SH3GL2: variants seen among roughly 807,000 people sequenced by gnomAD.
SH3GL2 encodes the protein endophilin-A1.
In SH3GL2, 24 loss-of-function variants were observed where a neutral mutation model predicts 46.0. That is an observed-to-expected ratio of 0.52 (90% confidence interval 0.38 to 0.73). The LOEUF is 0.73. Among genes scored for constraint, SH3GL2 ranks in the 30% least tolerant of loss-of-function variants. SH3GL2 has a pLI of 0.00. For missense variants in SH3GL2, 413 were observed against 424.2 expected (o/e 0.97, Z 0.23); for synonymous variants, 196 against 147.1 (o/e 1.33, Z -2.40).
intron 1 of SH3GL2, among the ~76,000 whole-genome samples, chr9:17,663,381 A>C (rs1317383013): frequency 1.3e-5 from 2 of 152,052 alleles, no homozygotes. Flanking sequence ...CTTTCCTCCT[A>C]TTAAAATTTT....
intron 1 of SH3GL2, among the ~76,000 whole-genome samples, chr9:17,614,906 TC>T (rs1818950240): frequency 1.3e-5 from 2 of 152,144 alleles, no homozygotes; most frequent in South Asian, 2.1e-4. Flanking sequence ...GACTCAAGTT[TC>T]CCCACACCCA....
intron 1 of SH3GL2, among the ~76,000 whole-genome samples, chr9:17,602,121 A>G (rs1040009314): frequency 3.3e-5 from 5 of 152,214 alleles, no homozygotes; most frequent in African/African-American, 1.2e-4. Context: ...TTAAAAGAAG[A>G]AAAGACTGAA....
At chr9:17,646,489 G>C (rs1310191307) in intron 1 of SH3GL2, among the ~76,000 whole-genome samples, 3 of 152,042 alleles carry the variant, frequency 2.0e-5, no homozygotes, top group East Asian at 1.9e-4. Context: ...TTGTTGCGCT[G>C]GTTTTCCCTC....
intron 1 of SH3GL2, among the ~76,000 whole-genome samples, chr9:17,736,866 G>A (rs986634143): frequency 6.6e-6 from 1 of 152,072 alleles, no homozygotes; most frequent in Non-Finnish European, 1.5e-5. Flanking sequence ...CAGAAAGTGA[G>A]ATGGAAGAGG....
At chr9:17,633,883 AAGTTTTG>A (rs1248679547) in intron 1 of SH3GL2, among the ~76,000 whole-genome samples, 2 of 152,188 alleles carry the variant, frequency 1.3e-5, no homozygotes, top group African/African-American at 4.8e-5. Context: ...AGGAAGCTAA[AAGTTTTG>A]AGTTATGCAA....
At chr9:17,669,646 T>C (rs1377870800) in intron 1 of SH3GL2, among the ~76,000 whole-genome samples, 1 of 152,202 alleles carries the variant, frequency 6.6e-6, no homozygotes, top group Non-Finnish European at 1.5e-5. Flanking sequence ...CCAGTTTGTA[T>C]AATTGTTTAG....
chr9:17,619,416 G>A (rs761849805), intron 1 of SH3GL2, among the ~76,000 whole-genome samples: 43 of 152,310 alleles, frequency 2.8e-4, no homozygotes, highest in Non-Finnish European at 2.6e-4. Flanking sequence ...GGTGGCTCAC[G>A]CCTGTAATCC....
chr9:17,681,888 A>T lies in SH3GL2; in HGVS notation c.46-65178A>T, dbSNP rs139709801. ...AACCCCATCAAAAAGTAGGCAAAGG[A>T]TATGAACAGACACTTCTCAAAAGAA... On this transcript the variant is annotated intron_variant, in intron 1 of 8. Transcript: ENST00000380607. Among the ~76,000 whole-genome samples, 14 of 152,336 alleles carry T rather than the reference A, an allele frequency of 9.2e-5. No individual in the cohort carries two copies. The East Asian group carries it at 2.7e-3, about 29-fold the overall frequency.
chr9:17,585,277 A>T (rs139717115), intron 1 of SH3GL2, among the ~76,000 whole-genome samples: 2 of 152,210 alleles, frequency 1.3e-5, no homozygotes, highest in African/African-American at 2.4e-5. Flanking sequence ...AACTGCTTCA[A>T]ACTTTAAGGT....
Position 17,588,846 on chromosome 9 carries a change from A to T in SH3GL2, c.45+9559A>T, listed in dbSNP as rs138904387. On this transcript the variant is annotated intron_variant, in intron 1 of 8. Coordinates refer to ENST00000380607, the MANE Select transcript of SH3GL2 (RefSeq NM_003026.5). ...TGTTATACAACAGCTGAAAATGAAGAGAAGGAATAGTTCCTTCTGTTTATG... is the reference window on the plus strand; with the variant it reads ...TGTTATACAACAGCTGAAAATGAAGTGAAGGAATAGTTCCTTCTGTTTATG... Among the ~76,000 whole-genome samples the T allele has an allele frequency of 2.2e-3, 340 of 152,338 alleles. 5 individuals are homozygous for T. Among genetic ancestry groups the T allele is most frequent in the African/African-American group, 7.8e-3 (325 of 41,586 alleles).
chr9:17,633,636 C>G (rs1449071511), intron 1 of SH3GL2, among the ~76,000 whole-genome samples: 1 of 151,988 alleles, frequency 6.6e-6, no homozygotes, highest in Non-Finnish European at 1.5e-5. Flanking sequence ...TTTTATAAAT[C>G]AGATATGTAG....
chr9:17,698,232 C>T (rs764959141), intron 1 of SH3GL2, among the ~76,000 whole-genome samples: 2 of 152,308 alleles, frequency 1.3e-5, no homozygotes, highest in Non-Finnish European at 2.9e-5. Context: ...TTAAGGCCTC[C>T]AGGCTTCAGT....
At chr9:17,689,597 C>A (rs923700536) in intron 1 of SH3GL2, among the ~76,000 whole-genome samples, 2 of 151,774 alleles carry the variant, frequency 1.3e-5, no homozygotes, top group African/African-American at 4.9e-5. Flanking sequence ...ATGTCTTAGC[C>A]CCTCCTCCTT....
chr9:17,772,316 T>G (rs9407853), intron 3 of SH3GL2, among the ~76,000 whole-genome samples: 15,406 of 152,286 alleles, frequency 0.1, 867 homozygotes, highest in Non-Finnish European at 0.11. Flanking sequence ...AATTTAGAAT[T>G]AATTTTTCTT....
At chr9:17,790,337 C>G (rs770611232) in intron 6 of SH3GL2, 6 of 499,774 alleles carry the variant, frequency 1.2e-5, no homozygotes, top group Non-Finnish European at 1.6e-5. Context: ...TACCAGCTAT[C>G]TGGGGATCCC....
chr9:17,603,970 C>T (rs1455961367), intron 1 of SH3GL2, among the ~76,000 whole-genome samples: 3 of 152,086 alleles, frequency 2.0e-5, no homozygotes, highest in African/African-American at 7.2e-5. Flanking sequence ...TATTTTACTA[C>T]AAATAAAAGT....
chr9:17,722,273 T>A (rs1023119989), intron 1 of SH3GL2, among the ~76,000 whole-genome samples: 3 of 152,126 alleles, frequency 2.0e-5, no homozygotes, highest in Non-Finnish European at 2.9e-5. Context: ...TTTAGTAAGC[T>A]TTACTGGTCT....
rs190201073 is a variant in SH3GL2, at chr9:17,698,206, C to T, written c.46-48860C>T. Among the ~76,000 whole-genome samples the T allele has an allele frequency of 1.7e-3, 257 of 152,314 alleles. 1 individual carries two copies. Among genetic ancestry groups the T allele is most frequent in the African/African-American group, 5.8e-3 (241 of 41,562 alleles). On this transcript the variant is annotated intron_variant, in intron 1 of 8. Transcript: ENST00000380607. ...AGTCCAGATGCAGGCAGTCACTTGT[C>T]ACTTTGGTCAACATCTTAAGGCCTC...
intron 1 of SH3GL2, among the ~76,000 whole-genome samples, chr9:17,600,995 A>G (rs889762736): frequency 6.6e-6 from 1 of 152,192 alleles, no homozygotes; most frequent in African/African-American, 2.4e-5. Flanking sequence ...CCATTAGCTC[A>G]GTGACAATCA....
Sources: gnomAD v4.1 joint callset for allele counts (sites outside exome capture counted in the v4.1 genomes callset) on GRCh38, gnomAD v4.1.1 for gene constraint, MANE v1.5 for transcripts, NCBI Gene and HGNC (gene_info 2026-07-23, HGNC 2026-07-21) for gene names.